DOCK9: variants seen among roughly 807,000 people sequenced by gnomAD.
DOCK9 encodes dedicator of cytokinesis 9.
Under a neutral mutation model 263.3 loss-of-function variants are expected in DOCK9, and 89 were observed. The ratio of observed to expected loss-of-function variants is 0.34; its 90% CI spans 0.28 to 0.40. DOCK9 has a LOEUF of 0.40. Among genes scored for constraint, DOCK9 ranks in the 10% least tolerant of loss-of-function variants. DOCK9 has a pLI of 1.00. For synonymous variants in DOCK9, 976 were observed against 973.1 expected (o/e 1.00, Z -0.06); for missense variants, 2,140 against 2,603.4 (o/e 0.82, Z 3.87).
chr13:99,084,588 T>C (rs1433080885), intron 1 of DOCK9, among the ~76,000 whole-genome samples: 1 of 152,194 alleles, frequency 6.6e-6, no homozygotes, highest in African/African-American at 2.4e-5. Context: ...CATCCTCCGA[T>C]GGGAAGGGCA....
Position 98,829,822 on chromosome 13 carries a change from C to T in DOCK9, c.4636-66G>A, listed in dbSNP as rs1411902142. The T allele has an allele frequency of 4.7e-5, 67 of 1,418,874 alleles. No individual in the cohort carries two copies. Among genetic ancestry groups the T allele is most frequent in the East Asian group, 7.4e-5 (3 of 40,410 alleles). The allele number at this position is 1,418,874 out of a possible 1,614,324, so 87.9% of individuals were successfully genotyped here. ...AATGACTGCCCAGGCTGGGCTTCTG[C>T]GTTCAGTTAGGATGTGCCTAAGGAC... On this transcript the variant is annotated intron_variant, in intron 41 of 52. Coordinates refer to ENST00000682017, the MANE Select transcript of DOCK9 (RefSeq NM_001366683.2). The surrounding 1 kb of genome is among the most constrained non-coding windows in gnomAD (Gnocchi z 4.1).
At position 98,902,342 on chromosome 13, in the gene DOCK9, G is replaced by A. The variant is rs202145971; in HGVS notation, c.1326C>T (p.Ser442=). ...GAAGGATGCCCTTGAGGACAGATGG[G>A]CTCTGCCCACTGCCATTCATCAGCG... ...SPALMNGSGQ[S]PSVLKGILHE... is the part of the protein sequence containing the mutation. Residue 442 remains serine (S), a synonymous_variant, in exon 12 of 53, where the codon AGC becomes AGT. Coordinates refer to ENST00000682017, the MANE Select transcript of DOCK9 (RefSeq NM_001366683.2). The A allele has an allele frequency of 8.2e-5, 132 of 1,614,012 alleles. No homozygotes were observed. In the Admixed American group the frequency reaches 2.2e-3, roughly 26 times the overall value.
At chr13:98,878,879 G>GT (rs2044286867) in intron 27 of DOCK9, among the ~76,000 whole-genome samples, 2 of 152,162 alleles carry the variant, frequency 1.3e-5, no homozygotes, top group Admixed American at 1.3e-4. Flanking sequence ...CAGATCCCTT[G>GT]TGCAGGAGGC....
chr13:99,033,538 T>G (rs1272888695), intron 1 of DOCK9, among the ~76,000 whole-genome samples: 1 of 152,214 alleles, frequency 6.6e-6, no homozygotes, highest in East Asian at 1.9e-4. Flanking sequence ...GTAGACACTG[T>G]CAGCGAGTGC....
intron 1 of DOCK9, among the ~76,000 whole-genome samples, chr13:98,976,798 G>A (rs1048125319): frequency 5.9e-5 from 9 of 152,146 alleles, no homozygotes; most frequent in African/African-American, 1.9e-4. Context: ...GCAGTCTCAC[G>A]AGTCACAAAG....
intron 1 of DOCK9, among the ~76,000 whole-genome samples, chr13:99,051,663 C>T (rs1050538998): frequency 6.6e-6 from 1 of 152,036 alleles, no homozygotes; most frequent in East Asian, 1.9e-4. Flanking sequence ...CTGCAGACGA[C>T]TTGACTCAGC....
intron 1 of DOCK9, among the ~76,000 whole-genome samples, chr13:99,040,590 A>C (rs575082508): frequency 6.6e-6 from 1 of 152,356 alleles, no homozygotes; most frequent in Admixed American, 6.5e-5. Flanking sequence ...GTGACAGCAT[A>C]AATCATTCAT....
chr13:98,918,825 C>T (rs2051338598), intron 7 of DOCK9, among the ~76,000 whole-genome samples: 1 of 152,118 alleles, frequency 6.6e-6, no homozygotes, highest in South Asian at 2.1e-4. Flanking sequence ...GCATAAGGTC[C>T]CAGAAACAGG....
chr13:98,995,528 C>T (rs1466280502), intron 1 of DOCK9, among the ~76,000 whole-genome samples: 5 of 144,818 alleles, frequency 3.5e-5, no homozygotes, highest in African/African-American at 1.3e-4. Flanking sequence ...TCGCTCTGTC[C>T]CCCAGGCTGG....
intron 1 of DOCK9, among the ~76,000 whole-genome samples, chr13:99,023,855 CT>C (rs1342369616): frequency 6.6e-6 from 1 of 152,148 alleles, no homozygotes; most frequent in East Asian, 1.9e-4. Flanking sequence ...CTGCATTGCA[CT>C]TCCTAGAAAA....
At chr13:99,009,729 C>T (rs912797523) in intron 1 of DOCK9, among the ~76,000 whole-genome samples, 4 of 151,988 alleles carry the variant, frequency 2.6e-5, no homozygotes, top group South Asian at 2.1e-4. Flanking sequence ...GGCCAGAAAG[C>T]GTATCATCTT....
intron 2 of DOCK9, among the ~76,000 whole-genome samples, chr13:98,952,371 G>A (rs560805769): frequency 2.9e-4 from 44 of 152,040 alleles, no homozygotes; most frequent in African/African-American, 1.0e-3. Flanking sequence ...GAGTAGCTGG[G>A]ATTACAGGCA....
chr13:98,796,331 A>C (rs1304446513), intron 52 of DOCK9: 1 of 841,994 alleles, frequency 1.2e-6, no homozygotes, highest in East Asian at 2.7e-5. Flanking sequence ...ATCACTCCAC[A>C]AACGGCCCTG....
intron 43 of DOCK9, among the ~76,000 whole-genome samples, chr13:98,828,676 A>T (rs2092642556): frequency 6.6e-6 from 1 of 152,232 alleles, no homozygotes; most frequent in Non-Finnish European, 1.5e-5. Context: ...CTAGGCGCAC[A>T]GACTGCCTTA....
rs145697385 is a variant in DOCK9 at position 98,928,744 on chromosome 13, A to C, written c.333+1424T>G. 4.4e-3 allele frequency among the ~76,000 whole-genome samples: 665 copies of C among 152,318 alleles called. 2 individuals are homozygous for C. Among genetic ancestry groups the C allele is most frequent in the South Asian group, 8.9e-3 (43 of 4,828 alleles). Reference sequence around the variant, plus strand: ...ATGTGCTTGGCTGCTTTACAATAAAACTTTATTTACAAAAATTGGCTACAG... The same window carrying C: ...ATGTGCTTGGCTGCTTTACAATAAACCTTTATTTACAAAAATTGGCTACAG... On this transcript the variant is annotated intron_variant, in intron 3 of 52. Transcript: ENST00000682017.
chr13:98,905,326 C>T (rs1336877728), intron 9 of DOCK9, among the ~76,000 whole-genome samples: 1 of 152,130 alleles, frequency 6.6e-6, no homozygotes, highest in Non-Finnish European at 1.5e-5. Context: ...TCCCTAGTCC[C>T]AAGGAACACC....
intron 1 of DOCK9, among the ~76,000 whole-genome samples, chr13:99,037,837 T>C (rs902209865): frequency 6.6e-6 from 1 of 152,130 alleles, no homozygotes; most frequent in East Asian, 1.9e-4. Flanking sequence ...CGTCTCAAAT[T>C]ATGTGAAGAA....
In DOCK9 at chr13:98,883,091, G is replaced by A. The variant is rs1468274215; in HGVS notation, c.2510C>T (p.Thr837Ile). Residue 837 changes from threonine (T) to isoleucine (I), a missense_variant, in exon 23 of 53, where the codon ACC (threonine) becomes ATC (isoleucine). Coordinates refer to ENST00000682017, the MANE Select transcript of DOCK9 (RefSeq NM_001366683.2). ...TCCTAAGGCTTGGGCTCCAGATTCGGTTTTCTGACAGTACTGGAAAAAATT... is the reference window on the plus strand; with the variant it reads ...TCCTAAGGCTTGGGCTCCAGATTCGATTTTCTGACAGTACTGGAAAAAATT... The part of the protein sequence containing the change: ...LHNFFQYCQK[T>I]ESGAQALGNE... The A allele has an allele frequency of 1.9e-6, 3 of 1,613,776 alleles. No homozygotes were observed. Among genetic ancestry groups the A allele is most frequent in the South Asian group, 2.2e-5 (2 of 91,060 alleles).
At chr13:99,066,657 C>T (rs1055231030) in intron 1 of DOCK9, among the ~76,000 whole-genome samples, 8 of 152,148 alleles carry the variant, frequency 5.3e-5, no homozygotes, top group African/African-American at 1.9e-4. Context: ...TTCTAAATTC[C>T]AAGAGAAATA....
Sources: allele counts gnomAD v4.1 joint callset (sites outside exome capture counted in the v4.1 genomes callset), GRCh38; gene constraint gnomAD v4.1.1; non-coding constraint Gnocchi (gnomAD v3.1); transcripts MANE v1.5; gene names NCBI Gene and HGNC (gene_info 2026-07-23, HGNC 2026-07-21).